STARD13: variants seen among roughly 807,000 people sequenced by gnomAD.
The protein encoded by STARD13 is stAR-related lipid transfer protein 13.
STARD13 carries 62 observed loss-of-function variants against 106.4 expected under a neutral mutation model. The observed-to-expected ratio is 0.58, with a 90% CI of 0.48 to 0.72. STARD13 has a LOEUF of 0.72. STARD13 is among the 30% of genes least tolerant of loss of function. The probability of loss-of-function intolerance (pLI) is 0.00; values close to 1 mark genes in which losing one functional copy is unlikely to be tolerated. For missense variants in STARD13, 1,387 were observed against 1,424.0 expected (o/e 0.97, Z 0.42); for synonymous variants, 565 against 553.0 (o/e 1.02, Z -0.31).
At chr13:33,409,412 T>G in the STARD13 span, among the ~76,000 whole-genome samples, 1 of 152,346 alleles carries the variant, frequency 6.6e-6, no homozygotes, top group East Asian at 1.9e-4. Context: ...ACTGAAACAG[T>G]TTGGTGCTAG....
At chr13:33,602,993 T>C in the STARD13 span, among the ~76,000 whole-genome samples, 1 of 152,172 alleles carries the variant, frequency 6.6e-6, no homozygotes, top group South Asian at 2.1e-4. Context: ...ACATAGAAAT[T>C]GATCCTTCTG....
At chr13:33,168,521 G>A (rs1047258774) in intron 1 of STARD13, among the ~76,000 whole-genome samples, 1 of 152,208 alleles carries the variant, frequency 6.6e-6, no homozygotes, top group Non-Finnish European at 1.5e-5. Flanking sequence ...AATCCAAGGG[G>A]AAAGAAGTTC....
At chr13:33,647,901 A>G in the STARD13 span, among the ~76,000 whole-genome samples, 3 of 152,170 alleles carry the variant, frequency 2.0e-5, no homozygotes, top group Non-Finnish European at 4.4e-5. Context: ...AATTAAATAA[A>G]TATACAATTA....
At chr13:33,257,399 G>A (rs866262869) in intron 1 of STARD13, among the ~76,000 whole-genome samples, 2 of 152,180 alleles carry the variant, frequency 1.3e-5, no homozygotes, top group South Asian at 2.1e-4. Context: ...TTTCTCATTT[G>A]ATCCCACATG....
At chr13:33,491,237 G>A in the STARD13 span, among the ~76,000 whole-genome samples, 9 of 152,186 alleles carry the variant, frequency 5.9e-5, no homozygotes, top group African/African-American at 1.2e-4. Flanking sequence ...TTTCTGGTAC[G>A]TGGCACCACA....
At chr13:33,204,741 TCTC>T (rs1445886935) in intron 1 of STARD13, among the ~76,000 whole-genome samples, 1 of 152,150 alleles carries the variant, frequency 6.6e-6, no homozygotes, top group Non-Finnish European at 1.5e-5. Context: ...ATAAAACAGT[TCTC>T]CTCTCAGCTC....
rs529878307 is a variant in STARD13 at position 33,103,705 on chromosome 13, T to A, written c.*1888A>T. 2 of 152,682 alleles carry A rather than the reference T, an allele frequency of 1.3e-5. No individual in the cohort carries two copies. The highest frequency in any genetic ancestry group is 2.9e-5 in the Non-Finnish European group (2 of 68,032). The allele number at this position is 152,682 out of a possible 1,614,324, so 9.5% of individuals were successfully genotyped here. On this transcript the variant is annotated 3_prime_UTR_variant, in exon 14 of 14. Coordinates refer to ENST00000336934, the MANE Select transcript of STARD13 (RefSeq NM_178006.4). Reference sequence around the variant, plus strand: ...TCTCTGGGCGATACAAAGCCACTCATCCTCGTGTGCCTATCACGTTTTCCA... The same window carrying A: ...TCTCTGGGCGATACAAAGCCACTCAACCTCGTGTGCCTATCACGTTTTCCA...
At chr13:33,209,142 G>A (rs567538917) in intron 1 of STARD13, among the ~76,000 whole-genome samples, 6 of 152,160 alleles carry the variant, frequency 3.9e-5, no homozygotes, top group Non-Finnish European at 8.8e-5. Flanking sequence ...GGGACCTCAG[G>A]ACTTGTGTGT....
chr13:33,170,545 AT>A (rs923667615), intron 1 of STARD13, among the ~76,000 whole-genome samples: 4 of 152,052 alleles, frequency 2.6e-5, no homozygotes, highest in African/African-American at 4.8e-5. Context: ...AAATAAGATG[AT>A]TTTTTTTGTT....
the STARD13 span, among the ~76,000 whole-genome samples, chr13:33,519,207 TTTTTCTTTCTTTCTTTCTTTC>T: frequency 1.6e-3 from 146 of 88,586 alleles, 2 homozygotes; most frequent in East Asian, 7.1e-3. Context: ...TCTTGGTAAT[TTTTTCTTTCTTTCTTTCTTTC>T]TTTCTTTCTT....
At chr13:33,605,460 A>T in the STARD13 span, among the ~76,000 whole-genome samples, 1 of 151,580 alleles carries the variant, frequency 6.6e-6, no homozygotes, top group Non-Finnish European at 1.5e-5. Flanking sequence ...TTCTAAATTT[A>T]TCAAAGACCA....
At chr13:33,590,893 TA>T in the STARD13 span, among the ~76,000 whole-genome samples, 2 of 152,232 alleles carry the variant, frequency 1.3e-5, no homozygotes, top group African/African-American at 4.8e-5. Context: ...TTAACATATC[TA>T]ATCTTGAAGT....
At chr13:33,241,312 G>A (rs1414759392) in intron 1 of STARD13, among the ~76,000 whole-genome samples, 3 of 152,134 alleles carry the variant, frequency 2.0e-5, no homozygotes, top group African/African-American at 4.8e-5. Flanking sequence ...CCTAGTGAAT[G>A]TTTAAAATCT....
At chr13:33,255,587 T>C (rs1890322858) in intron 1 of STARD13, among the ~76,000 whole-genome samples, 1 of 152,108 alleles carries the variant, frequency 6.6e-6, no homozygotes, top group Admixed American at 6.5e-5. Flanking sequence ...GATTCCTCTC[T>C]TCTTACTACA....
intron 7 of STARD13, among the ~76,000 whole-genome samples, chr13:33,125,289 C>T (rs1357339821): frequency 6.6e-6 from 1 of 152,174 alleles, no homozygotes; most frequent in Non-Finnish European, 1.5e-5. Context: ...AGAATAGCTG[C>T]CTGGAAATAT....
At chr13:33,370,978 C>T in the STARD13 span, among the ~76,000 whole-genome samples, 3 of 151,930 alleles carry the variant, frequency 2.0e-5, no homozygotes, top group African/African-American at 4.8e-5. Context: ...TAGTTAGTTT[C>T]GTCTAAAAAT....
chr13:33,500,875 T>A, the STARD13 span, among the ~76,000 whole-genome samples: 1 of 152,052 alleles, frequency 6.6e-6, no homozygotes, highest in East Asian at 1.9e-4. Context: ...CTTACTGTTT[T>A]TCAATTTAAA....
the STARD13 span, among the ~76,000 whole-genome samples, chr13:33,381,068 G>T: frequency 6.6e-6 from 1 of 152,184 alleles, no homozygotes; most frequent in African/African-American, 2.4e-5. Context: ...TCACCTCTAC[G>T]AGTATATAGG....
chr13:33,239,652 A>G (rs1889367741), intron 1 of STARD13, among the ~76,000 whole-genome samples: 1 of 152,188 alleles, frequency 6.6e-6, no homozygotes, highest in Non-Finnish European at 1.5e-5. Context: ...GATACCAAGC[A>G]TCTTTTCATA....
Sources: gnomAD v4.1 joint callset for allele counts (sites outside exome capture counted in the v4.1 genomes callset) on GRCh38, gnomAD v4.1.1 for gene constraint, MANE v1.5 for transcripts, NCBI Gene and HGNC (gene_info 2026-07-23, HGNC 2026-07-21) for gene names.